The following KCNQ1 variants were observed in gnomAD, a reference collection of about 807,000 sequenced individuals.
KCNQ1 encodes potassium voltage-gated channel subfamily KQT member 1.
Under a neutral mutation model 72.4 loss-of-function variants are expected in KCNQ1, and 49 were observed. The ratio of observed to expected loss-of-function variants is 0.68; its 90% confidence interval spans 0.54 to 0.86. KCNQ1 has a LOEUF of 0.86. Among genes scored for constraint, KCNQ1 ranks in the 40% least tolerant of loss-of-function variants. The pLI, the probability that KCNQ1 is intolerant of heterozygous loss-of-function variation, is 0.00. For synonymous variants in KCNQ1, 450 were observed against 412.6 expected (o/e 1.09, Z -1.10); for missense variants, 790 against 945.1 (o/e 0.84, Z 2.15).
chr11:2,760,281 G>A (rs1297895623), intron 11 of KCNQ1, among the ~76,000 whole-genome samples: 1 of 151,452 alleles, frequency 6.6e-6, no homozygotes, highest in African/African-American at 2.4e-5. Context: ...CGGGGCAGGC[G>A]GGCAGGCGGG....
rs1361052068 is a variant in KCNQ1, at chr11:2,544,358, GTATA to G, written c.477+16346_477+16349del. Among the ~76,000 whole-genome samples the G allele has an allele frequency of 6.8e-6, 1 of 146,220 alleles. No individual in the cohort carries two copies. The highest frequency in any genetic ancestry group is 2.5e-5 in the African/African-American group (1 of 39,348). On this transcript the variant is annotated intron_variant, in intron 2 of 15. Transcript: ENST00000155840. The surrounding 1 kb of genome is among the most constrained non-coding windows in gnomAD (Gnocchi z 4.4). ...TGTGTATGTATATGTATATATATGT[GTATA>G]TATATGTGTATATATATGTGTGCAT... is the stretch of plus-strand genomic sequence containing the variant.
chr11:2,568,672 T>TTGAGCACTGAC (rs1479189689), intron 2 of KCNQ1, among the ~76,000 whole-genome samples: 2 of 152,202 alleles, frequency 1.3e-5, no homozygotes, highest in Non-Finnish European at 2.9e-5. Context: ...CATGTCCATG[T>TTGAGCACTGAC]TGAGCACTGA....
At chr11:2,496,204 AG>A (rs1219652717) in intron 1 of KCNQ1, among the ~76,000 whole-genome samples, 14 of 152,062 alleles carry the variant, frequency 9.2e-5, no homozygotes, top group African/African-American at 3.4e-4. Flanking sequence ...TGGGAGGCTG[AG>A]GTGGTTGGAT....
chr11:2,763,782 A>C (rs2133976519), intron 11 of KCNQ1, among the ~76,000 whole-genome samples: 1 of 151,918 alleles, frequency 6.6e-6, no homozygotes. Flanking sequence ...GGCTGATCTC[A>C]AACTCCTGGG....
In KCNQ1 at chr11:2,526,613, G is replaced by C. The variant is rs917354026; in HGVS notation, c.387-1315G>C. Among the ~76,000 whole-genome samples the C allele has an allele frequency of 1.4e-5, 2 of 145,624 alleles. No homozygotes were observed. The highest frequency in any genetic ancestry group is 4.9e-5 in the African/African-American group (2 of 40,512). Reference sequence around the variant, plus strand: ...CCCAGAAACCTCCGTGCAGCAGGAGGATGAGCCGAGGCAGGCTGTGCTGGG... The same window carrying C: ...CCCAGAAACCTCCGTGCAGCAGGAGCATGAGCCGAGGCAGGCTGTGCTGGG... On this transcript the variant is annotated intron_variant, in intron 1 of 15. Transcript: ENST00000155840. The surrounding 1 kb of genome is among the most constrained non-coding windows in gnomAD (Gnocchi z 6.1).
rs189577530 is a variant in KCNQ1 at position 2,808,441 on chromosome 11, G to A, written c.1794+30404G>A. The stretch of plus-strand genomic sequence containing the variant: ...ACAGGGGTGGTCAGGGAAGACCTCC[G>A]AGGGAGGGGCATTTGAAAATAGCAT... On this transcript the variant is annotated intron_variant, in intron 15 of 15. Transcript: ENST00000155840. This position sits in a 1 kb window ranked among gnomAD's most constrained non-coding sequence, Gnocchi z 6.0. 7.2e-5 allele frequency among the ~76,000 whole-genome samples: 11 copies of A among 152,314 alleles called. No homozygotes were observed. The highest frequency in any genetic ancestry group is 5.2e-4 in the Admixed American group (8 of 15,300).
Position 2,516,731 on chromosome 11 carries a change from A to G in KCNQ1, c.387-11197A>G, listed in dbSNP as rs1473452334. ...GATAAAGTTTTATTAGGACACAGCC[A>G]TGCCCGGCCGAATATTGCCACAGAG... On this transcript the variant is annotated intron_variant, in intron 1 of 15. Coordinates refer to ENST00000155840, the MANE Select transcript of KCNQ1 (RefSeq NM_000218.3). This position sits in a 1 kb window ranked among gnomAD's most constrained non-coding sequence, Gnocchi z 7.0. 6.6e-6 allele frequency among the ~76,000 whole-genome samples: 1 copy of G among 152,158 alleles called. No individual in the cohort carries two copies. The highest frequency in any genetic ancestry group is 1.5e-5 in the Non-Finnish European group (1 of 68,038).
intron 11 of KCNQ1, chr11:2,684,927 C>T (rs1850458308): frequency 2.5e-6 from 1 of 398,684 alleles, no homozygotes; most frequent in Non-Finnish European, 4.4e-6. Flanking sequence ...GTCCCTGATC[C>T]ATGCAGCATG....
At chr11:2,597,825 T>C (rs561567963) in intron 10 of KCNQ1, among the ~76,000 whole-genome samples, 85 of 152,340 alleles carry the variant, frequency 5.6e-4, no homozygotes, top group African/African-American at 1.9e-3. Flanking sequence ...ATTTATTCAT[T>C]GCTATTTAAT....
chr11:2,698,101 G>T lies in KCNQ1; in HGVS notation c.1514+36020G>T. 1 of 398,672 alleles carries T rather than the reference G, an allele frequency of 2.5e-6. No homozygotes were observed. The highest frequency in any genetic ancestry group is 4.4e-6 in the Non-Finnish European group (1 of 226,084). The allele number at this position is 398,672 out of a possible 1,614,324, so 24.7% of individuals were successfully genotyped here. A position where few individuals can be genotyped will look rare whatever the true frequency, so the allele number is the denominator to read the frequency against. ...TCAAGTACTGACTGAGTAAGGCTGTGTATCAGGCTCTTGGCTGGGTACAGA... is the reference window on the plus strand; with the variant it reads ...TCAAGTACTGACTGAGTAAGGCTGTTTATCAGGCTCTTGGCTGGGTACAGA... On this transcript the variant is annotated intron_variant, in intron 11 of 15. Transcript: ENST00000155840. This position sits in a 1 kb window ranked among gnomAD's most constrained non-coding sequence, Gnocchi z 5.1.
At chr11:2,535,526 C>T (rs1416347235) in intron 2 of KCNQ1, among the ~76,000 whole-genome samples, 1 of 152,154 alleles carries the variant, frequency 6.6e-6, no homozygotes, top group Non-Finnish European at 1.5e-5. Flanking sequence ...ATACAAGTCC[C>T]TCCTGCCTTC....
intron 11 of KCNQ1, chr11:2,700,027 C>A (rs1850771114): frequency 2.5e-6 from 1 of 398,220 alleles, no homozygotes; most frequent in African/African-American, 2.1e-5. Context: ...CCGACTGCCC[C>A]CGCCGCTGCC....
In KCNQ1 at chr11:2,599,905, G is replaced by A. The variant is rs375134506; in HGVS notation, c.1393+11051G>A. ...ACGTGCCGAGGTATTAAAGACCAGG[G>A]CTTCAACTGCAAACCTTGTGGGACA... is the stretch of plus-strand genomic sequence containing the variant. On this transcript the variant is annotated intron_variant, in intron 10 of 15. Coordinates refer to ENST00000155840, the MANE Select transcript of KCNQ1 (RefSeq NM_000218.3). The surrounding 1 kb of genome is among the most constrained non-coding windows in gnomAD (Gnocchi z 4.7). Among the ~76,000 whole-genome samples the A allele has an allele frequency of 1.3e-5, 2 of 152,254 alleles. No individual in the cohort carries two copies. Among genetic ancestry groups the A allele is most frequent in the African/African-American group, 4.8e-5 (2 of 41,472 alleles).
At chr11:2,845,621 A>G (rs1321211378) in intron 15 of KCNQ1, among the ~76,000 whole-genome samples, 1 of 152,154 alleles carries the variant, frequency 6.6e-6, no homozygotes, top group East Asian at 1.9e-4. Flanking sequence ...CAGACCTCGG[A>G]TGTACACCTG....
At chr11:2,806,795 C>A (rs901717821) in intron 15 of KCNQ1, among the ~76,000 whole-genome samples, 3 of 152,228 alleles carry the variant, frequency 2.0e-5, no homozygotes, top group African/African-American at 7.2e-5. Context: ...CCGCCCCTCT[C>A]TTGTGCCCTG....
Position 2,457,366 on chromosome 11 carries a change from A to G in KCNQ1, c.386+11882A>G, listed in dbSNP as rs1339230168. On this transcript the variant is annotated intron_variant, in intron 1 of 15. Transcript: ENST00000155840. The surrounding 1 kb of genome is among the most constrained non-coding windows in gnomAD (Gnocchi z 5.0). ...ATGCACCTAAACATTCATGGCAGAA[A>G]GACATGAGTCAACTCAGGTGCCTGT... Among the ~76,000 whole-genome samples, 1 of 152,224 alleles carries G rather than the reference A, an allele frequency of 6.6e-6. No individual in the cohort carries two copies. Among genetic ancestry groups the G allele is most frequent in the African/African-American group, 2.4e-5 (1 of 41,456 alleles).
Position 2,651,462 on chromosome 11 carries a change from A to G in KCNQ1, c.1394-10499A>G. ...GTGCCTGAAGTCAGAGGTAGTGCTT[A>G]TGAAAGTATCTGGTGGGCTTGCATT... On this transcript the variant is annotated intron_variant, in intron 10 of 15. Coordinates refer to ENST00000155840, the MANE Select transcript of KCNQ1 (RefSeq NM_000218.3). This position sits in a 1 kb window ranked among gnomAD's most constrained non-coding sequence, Gnocchi z 6.1. 5.0e-6 allele frequency: 2 copies of G among 398,758 alleles called. No homozygotes were observed. Among genetic ancestry groups the G allele is most frequent in the African/African-American group, 2.1e-5 (1 of 48,768 alleles). The allele number at this position is 398,758 out of a possible 1,614,324, so 24.7% of individuals were successfully genotyped here.
Position 2,491,438 on chromosome 11 carries a change from G to A in KCNQ1, c.387-36490G>A, listed in dbSNP as rs1589910000. Among the ~76,000 whole-genome samples, 1 of 152,148 alleles carries A rather than the reference G, an allele frequency of 6.6e-6. No individual in the cohort carries two copies. Among genetic ancestry groups the A allele is most frequent in the South Asian group, 2.1e-4 (1 of 4,828 alleles). On this transcript the variant is annotated intron_variant, in intron 1 of 15. Coordinates refer to ENST00000155840, the MANE Select transcript of KCNQ1 (RefSeq NM_000218.3). The surrounding 1 kb of genome is among the most constrained non-coding windows in gnomAD (Gnocchi z 4.1). Reference sequence around the variant, plus strand: ...AGAAATTCTGGAGTTGAAAAATGCAGCTGACATATTGAAGAATGTATCAGA... The same window carrying A: ...AGAAATTCTGGAGTTGAAAAATGCAACTGACATATTGAAGAATGTATCAGA...
rs1018523882 is a variant in KCNQ1 at position 2,676,679 on chromosome 11, G to A, written c.1514+14598G>A. 13 of 398,532 alleles carry A rather than the reference G, an allele frequency of 3.3e-5. No individual in the cohort carries two copies. Among genetic ancestry groups the A allele is most frequent in the Non-Finnish European group, 4.9e-5 (11 of 226,076 alleles). The allele number at this position is 398,532 out of a possible 1,614,324, so 24.7% of individuals were successfully genotyped here. ...TAAGGTCTTGAGTATTTCCAAGGGA[G>A]CACTAACTGGACTACAGCCTGGCAG... On this transcript the variant is annotated intron_variant, in intron 11 of 15. Transcript: ENST00000155840. The surrounding 1 kb of genome is among the most constrained non-coding windows in gnomAD (Gnocchi z 4.2).
Sources: gnomAD v4.1 joint callset for allele counts (sites outside exome capture counted in the v4.1 genomes callset) on GRCh38, gnomAD v4.1.1 for gene constraint, Gnocchi (gnomAD v3.1) non-coding constraint, MANE v1.5 for transcripts, NCBI Gene and HGNC (gene_info 2026-07-23, HGNC 2026-07-21) for gene names.